The following TMCO6 variants were observed in gnomAD, a reference collection of about 807,000 sequenced individuals.
The protein encoded by TMCO6 is transmembrane and coiled-coil domain-containing protein 6.
A neutral mutation model predicts 61.8 loss-of-function variants in TMCO6; 47 were observed. The observed-to-expected ratio is 0.76, with a 90% CI of 0.60 to 0.97. The LOEUF is 0.97. TMCO6 is among the 50% of genes least tolerant of loss of function. TMCO6 has a pLI of 0.00. For synonymous variants in TMCO6, 261 were observed against 254.2 expected (o/e 1.03, Z -0.25); for missense variants, 557 against 601.6 (o/e 0.93, Z 0.78).
the TMCO6 span, chr5:140,631,989 A>G: frequency 3.1e-6 from 5 of 1,614,040 alleles, no homozygotes; most frequent in Non-Finnish European, 4.2e-6. Flanking sequence ...TCCAGGGACC[A>G]GGAAGGGATT....
the TMCO6 span, among the ~76,000 whole-genome samples, chr5:140,597,374 A>G: frequency 0.18 from 27,502 of 151,616 alleles, 3,221 homozygotes; most frequent in East Asian, 0.29. Context: ...ATCATATACT[A>G]TGACCAAAAT....
At chr5:140,633,104 GAC>G in the TMCO6 span, 1 of 1,613,800 alleles carries the variant, frequency 6.2e-7, no homozygotes. Context: ...CTGAGCTCCG[GAC>G]AGGCTCTGGA....
At chr5:140,640,829 C>G (rs544010346) in intron 2 of TMCO6, among the ~76,000 whole-genome samples, 2 of 152,314 alleles carry the variant, frequency 1.3e-5, no homozygotes, top group South Asian at 4.1e-4. Context: ...TGCACATTAT[C>G]TGGCATATAG....
At chr5:140,647,455 C>A (rs1374947717), downstream of TMCO6, 1 of 1,608,730 alleles carries the variant, frequency 6.2e-7, no homozygotes, top group Middle Eastern at 1.7e-4. Context: ...GTCCCGAAGC[C>A]CGCCCGCCTC....
the TMCO6 span, chr5:140,633,194 T>G: frequency 8.3e-7 from 1 of 1,205,066 alleles, no homozygotes; most frequent in Non-Finnish European, 1.2e-6. Flanking sequence ...CGGCTGCCTC[T>G]GACAGTTTAT....
At chr5:140,642,902 T>TAA (rs763037943) in intron 6 of TMCO6, 23 bp from the exon 7 acceptor site, 1 of 1,614,166 alleles carries the variant, frequency 6.2e-7, no homozygotes, top group Admixed American at 1.7e-5. Context: ...GGTTCCTACT[T>TAA]ACAGCCCTGC....
the TMCO6 span, among the ~76,000 whole-genome samples, chr5:140,630,105 T>A: frequency 1.3e-5 from 2 of 151,662 alleles, no homozygotes; most frequent in Non-Finnish European, 2.9e-5. Context: ...GCAATTCTCC[T>A]GCCTCAGCCT....
chr5:140,612,425 C>T, the TMCO6 span, among the ~76,000 whole-genome samples: 13 of 149,740 alleles, frequency 8.7e-5, no homozygotes, highest in African/African-American at 1.2e-4. Flanking sequence ...CTGCAAGCTC[C>T]GCCTCCCGGG....
chr5:140,631,066 A>C, the TMCO6 span, among the ~76,000 whole-genome samples: 1 of 152,222 alleles, frequency 6.6e-6, no homozygotes, highest in Non-Finnish European at 1.5e-5. Context: ...CTATTTGCCA[A>C]TCAGTCAGCC....
the TMCO6 span, among the ~76,000 whole-genome samples, chr5:140,597,605 T>C: frequency 6.6e-6 from 1 of 152,366 alleles, no homozygotes; most frequent in African/African-American, 2.4e-5. Flanking sequence ...CTTCATTCTC[T>C]CATTTATACC....
At chr5:140,600,834 T>C in the TMCO6 span, among the ~76,000 whole-genome samples, 2 of 152,172 alleles carry the variant, frequency 1.3e-5, no homozygotes, top group African/African-American at 2.4e-5. Flanking sequence ...TCAGATACAA[T>C]ATCCCCATAC....
the TMCO6 span, among the ~76,000 whole-genome samples, chr5:140,596,666 G>A: frequency 6.6e-6 from 1 of 152,214 alleles, no homozygotes; most frequent in African/African-American, 2.4e-5. Flanking sequence ...CCTGGGCTCT[G>A]TTCCAGTCCC....
the TMCO6 span, among the ~76,000 whole-genome samples, chr5:140,621,646 T>A: frequency 1.3e-5 from 2 of 152,194 alleles, no homozygotes; most frequent in Non-Finnish European, 2.9e-5. Flanking sequence ...AACCTTAAAC[T>A]CTGACCGCCG....
At chr5:140,632,402 C>G in the TMCO6 span, 1 of 1,614,098 alleles carries the variant, frequency 6.2e-7, no homozygotes, top group Non-Finnish European at 8.5e-7. The surrounding 1 kb of genome is among the most constrained non-coding windows in gnomAD (Gnocchi z 6.2). Flanking sequence ...TGGTAAGGGC[C>G]GGGAAGGCGC....
Position 140,644,193 on chromosome 5 carries a change from T to C in TMCO6, c.1199T>C (p.Met400Thr). The C allele has an allele frequency of 1.2e-6, 2 of 1,613,872 alleles. No homozygotes were observed. The highest frequency in any genetic ancestry group is 1.7e-4 in the Middle Eastern group (1 of 6,060). Reference protein sequence around the residue: ...LLPVSNVVSVMVLTVLCNVAE... With the variant: ...LLPVSNVVSVTVLTVLCNVAE... ...CCAGTATCTAACGTGGTGAGCGTAA[T>C]GGTATGTATTGGGGTTACTTGAATC... Residue 400 changes from methionine to threonine, a missense_variant and splice_region_variant, in exon 10 of 12, where the codon ATG (methionine) becomes ACG (threonine). Coordinates refer to ENST00000394671, the MANE Select transcript of TMCO6 (RefSeq NM_018502.5).
chr5:140,639,373 G>T (rs1169284542), upstream of TMCO6: 1 of 705,770 alleles, frequency 1.4e-6, no homozygotes, highest in South Asian at 1.8e-5. Flanking sequence ...GCGTCCACTC[G>T]CCGAGCCCCG....
At chr5:140,612,456 C>T in the TMCO6 span, among the ~76,000 whole-genome samples, 1 of 151,864 alleles carries the variant, frequency 6.6e-6, no homozygotes, top group Non-Finnish European at 1.5e-5. Flanking sequence ...TCTCCTGCCT[C>T]AGCCTCCCGA....
chr5:140,626,059 G>A, the TMCO6 span, among the ~76,000 whole-genome samples: 1 of 152,106 alleles, frequency 6.6e-6, no homozygotes, highest in Non-Finnish European at 1.5e-5. Flanking sequence ...TCCTGGCCTG[G>A]GTGAACTTAC....
the TMCO6 span, among the ~76,000 whole-genome samples, chr5:140,617,528 C>A: frequency 2.0e-5 from 3 of 152,058 alleles, no homozygotes; most frequent in African/African-American, 4.8e-5. Context: ...CCAGCCTGGG[C>A]AACAGAGTGA....
Sources: gnomAD v4.1 joint callset for allele counts (sites outside exome capture counted in the v4.1 genomes callset) on GRCh38, gnomAD v4.1.1 for gene constraint, Gnocchi (gnomAD v3.1) non-coding constraint, MANE v1.5 for transcripts, NCBI Gene and HGNC (gene_info 2026-07-23, HGNC 2026-07-21) for gene names.